The following SFSWAP variants were observed in gnomAD, a reference collection of about 807,000 sequenced individuals.
The protein encoded by SFSWAP is splicing factor, suppressor of white-apricot homolog.
In SFSWAP, 17 loss-of-function variants were observed where a neutral mutation model predicts 100.7. The ratio of observed to expected loss-of-function variants is 0.17; its 90% CI spans 0.12 to 0.25. The LOEUF (loss-of-function observed/expected upper bound fraction) is 0.25, where lower values mean the gene tolerates loss of function less well. SFSWAP is among the 10% of genes least tolerant of loss of function. SFSWAP has a pLI of 1.00. For missense variants in SFSWAP, 1,005 were observed against 1,262.6 expected (o/e 0.80, Z 3.09); for synonymous variants, 504 against 510.1 (o/e 0.99, Z 0.16).
chr12:131,756,708 C>A, intron 11 of SFSWAP, 64 bp downstream of exon 11: 1 of 1,421,874 alleles, frequency 7.0e-7, no homozygotes, highest in South Asian at 1.4e-5. Flanking sequence ...GTAGGATCCT[C>A]GGTGACCTCA....
chr12:131,782,650 C>A (rs1884583911), intron 14 of SFSWAP, among the ~76,000 whole-genome samples: 1 of 152,034 alleles, frequency 6.6e-6, no homozygotes, highest in South Asian at 2.1e-4. Context: ...TACTAAAATT[C>A]TATATAAAAT....
At chr12:131,771,218 T>C (rs1883567876) in intron 13 of SFSWAP, among the ~76,000 whole-genome samples, 2 of 152,224 alleles carry the variant, frequency 1.3e-5, no homozygotes, top group Admixed American at 1.3e-4. Flanking sequence ...CCTTCTGTTA[T>C]CAATGCTTAC....
rs1192977552 is a variant in SFSWAP at position 131,760,801 on chromosome 12, T to C, written c.1721-3655T>C. Among the ~76,000 whole-genome samples, 3 of 152,078 alleles carry C rather than the reference T, an allele frequency of 2.0e-5. No individual in the cohort carries two copies. In the East Asian group the frequency reaches 5.8e-4, roughly 29 times the overall value. On this transcript the variant is annotated intron_variant, in intron 11 of 17. Coordinates refer to ENST00000261674, the MANE Select transcript of SFSWAP (RefSeq NM_004592.4). ...AGAAAGGAGTTGCTGGGGCCAGACA[T>C]GGTGGCTCACGCTTGTAATCCCAGC...
At chr12:131,751,543 A>G (rs899299132) in intron 7 of SFSWAP, among the ~76,000 whole-genome samples, 10 of 152,260 alleles carry the variant, frequency 6.6e-5, no homozygotes, top group Admixed American at 2.6e-4. Context: ...GCTGAGAGGA[A>G]GCATCCATAC....
At chr12:131,773,712 A>G (rs556165358) in intron 13 of SFSWAP, among the ~76,000 whole-genome samples, 2 of 152,318 alleles carry the variant, frequency 1.3e-5, no homozygotes, top group East Asian at 3.9e-4. Context: ...AGGAAATAGG[A>G]ACTGAAACCT....
chr12:131,726,671 GAAA>G (rs1212381214), intron 5 of SFSWAP, among the ~76,000 whole-genome samples: 1 of 151,676 alleles, frequency 6.6e-6, no homozygotes, highest in Non-Finnish European at 1.5e-5. Context: ...TTAAAAAAAG[GAAA>G]AAAAAGGCAG....
In SFSWAP at chr12:131,716,571, T is replaced by A. The variant is rs190210978; in HGVS notation, c.520+1618T>A. On this transcript the variant is annotated intron_variant, in intron 3 of 17. Coordinates refer to ENST00000261674, the MANE Select transcript of SFSWAP (RefSeq NM_004592.4). ...TCACAAATAAAGAGTTGAAATACAG[T>A]CAGCTTATTGGGTCCACATCTGTGG... Among the ~76,000 whole-genome samples, 670 of 152,328 alleles carry A rather than the reference T, an allele frequency of 4.4e-3. 7 individuals carry two copies. Among genetic ancestry groups the A allele is most frequent in the African/African-American group, 0.014 (573 of 41,570 alleles).
In SFSWAP at chr12:131,753,248, T is replaced by A. The variant is rs756868559; in HGVS notation, c.1207T>A (p.Ser403Thr). Residue 403 changes from serine to threonine, a missense_variant, in exon 8 of 18, where the codon TCT becomes ACT. Physicochemically the swap from Ser to Thr is moderately conservative, Grantham distance 58. Coordinates refer to ENST00000261674, the MANE Select transcript of SFSWAP (RefSeq NM_004592.4). ...CACCCTTCCTGCTGGCGTGACCGTG[T>A]CTAACTCCCCTGGAGTGACGACCAC... is the stretch of plus-strand genomic sequence containing the variant. ...YSTLPAGVTV[S>T]NSPGVTTTAP... is the part of the protein sequence containing the mutation. The A allele has an allele frequency of 6.2e-6, 10 of 1,614,186 alleles. No homozygotes were observed. The highest frequency in any genetic ancestry group is 8.5e-6 in the Non-Finnish European group (10 of 1,180,026).
At chr12:131,759,566 G>A (rs1018586975) in intron 11 of SFSWAP, among the ~76,000 whole-genome samples, 1 of 152,032 alleles carries the variant, frequency 6.6e-6, no homozygotes, top group African/African-American at 2.4e-5. Context: ...TTGGGAGGCC[G>A]AGGCGGGTGG....
At chr12:131,721,523 C>T (rs1303510950) in intron 4 of SFSWAP, among the ~76,000 whole-genome samples, 1 of 152,176 alleles carries the variant, frequency 6.6e-6, no homozygotes, top group East Asian at 1.9e-4. Flanking sequence ...ATGCTAAGTG[C>T]TCCATCTCTA....
chr12:131,711,246 G>A lies in SFSWAP; in HGVS notation c.17G>A (p.Gly6Glu). 1 of 1,606,278 alleles carries A rather than the reference G, an allele frequency of 6.2e-7. No homozygotes were observed. The highest frequency in any genetic ancestry group is 1.1e-5 in the South Asian group (1 of 90,772). The change falls in exon 1 of 18, where the codon GGG becomes GAG. Residue 6 changes from glycine to glutamate, a missense_variant. By Grantham distance (98) the Gly-to-Glu change is moderately conservative. Transcript: ENST00000261674. This position sits in a 1 kb window ranked among gnomAD's most constrained non-coding sequence, Gnocchi z 4.9. ...GACGCTGTCATGTACGGCGCGAGCG[G>A]GGGCCGCGCCAAACCCGAGAGGAAA... MYGAS[G>E]GRAKPERKSG...
chr12:131,785,222 C>T lies in SFSWAP; in HGVS notation c.2409-1241C>T, dbSNP rs111356971. The T allele has an allele frequency of 4.0e-5, 61 of 1,534,126 alleles. No individual in the cohort carries two copies. The East Asian group carries it at 8.6e-4, about 22-fold the overall frequency. ...TCTTTTGAGGGAAAACCTGGTAAAA[C>T]GTCAAGGTGTCTAACTGACCTCGCC... On this transcript the variant is annotated intron_variant, in intron 14 of 17. Transcript: ENST00000261674.
intron 1 of SFSWAP, 185 bp from the exon 2 acceptor site, chr12:131,713,885 AG>A (rs1877632435): frequency 2.5e-6 from 1 of 397,084 alleles, no homozygotes; most frequent in African/African-American, 2.0e-5. Context: ...GTTTAAAAGT[AG>A]GTGAGATATG....
intron 7 of SFSWAP, among the ~76,000 whole-genome samples, chr12:131,751,678 T>C (rs985633386): frequency 6.6e-6 from 1 of 152,266 alleles, no homozygotes; most frequent in African/African-American, 2.4e-5. Context: ...AGGAAGCCTA[T>C]GTTGGACCAT....
chr12:131,787,511 G>T (rs1490860812), intron 15 of SFSWAP, among the ~76,000 whole-genome samples: 6 of 152,228 alleles, frequency 3.9e-5, no homozygotes, highest in Non-Finnish European at 8.8e-5. Context: ...AGTTCGTGCA[G>T]CCTCCTGGCT....
chr12:131,797,726 G>T (rs1340703412), intron 16 of SFSWAP, among the ~76,000 whole-genome samples: 1 of 152,130 alleles, frequency 6.6e-6, no homozygotes, highest in South Asian at 2.1e-4. Flanking sequence ...CGTGGCTGGA[G>T]CAGGTCCCCA....
chr12:131,797,504 T>A (rs1885771542), intron 16 of SFSWAP, 144 bp downstream of exon 16: 1 of 714,774 alleles, frequency 1.4e-6, no homozygotes, highest in Non-Finnish European at 2.2e-6. Context: ...GCACCCCCTC[T>A]AGCAAGGAAG....
At chr12:131,731,707 G>A (rs943197917) in intron 7 of SFSWAP, among the ~76,000 whole-genome samples, 15 of 152,148 alleles carry the variant, frequency 9.9e-5, no homozygotes, top group African/African-American at 3.4e-4. Context: ...ATATTGTTAC[G>A]TTCATTATAT....
Position 131,786,566 on chromosome 12 carries a change from A to G in SFSWAP, c.2512A>G (p.Ser838Gly), listed in dbSNP as rs375407694. ...AYRVSRSPGA[S>G]RKRTRSRSPH... Reference sequence around the variant, plus strand: ...CCGCGTGAGCCGCAGCCCTGGGGCCAGTAGGAAGCGGACCCGCTCCAGGTA... The same window carrying G: ...CCGCGTGAGCCGCAGCCCTGGGGCCGGTAGGAAGCGGACCCGCTCCAGGTA... Residue 838 changes from serine (S) to glycine (G), a missense_variant, in exon 15 of 18, where the codon AGT becomes GGT. This residue lies in a region of SFSWAP where 295 missense variants were observed against 347.9 expected (regional missense o/e 0.85). Transcript: ENST00000261674. 6 of 1,590,332 alleles carry G rather than the reference A, an allele frequency of 3.8e-6. No homozygotes were observed. The African/African-American group carries it at 8.0e-5, about 21-fold the overall frequency.
Sources: allele counts gnomAD v4.1 joint callset (sites outside exome capture counted in the v4.1 genomes callset), GRCh38; gene constraint gnomAD v4.1.1; regional missense constraint gnomAD v4.1.1; non-coding constraint Gnocchi (gnomAD v3.1); transcripts MANE v1.5; gene names NCBI Gene and HGNC (gene_info 2026-07-23, HGNC 2026-07-21).